The following DNAH6 variants were observed in gnomAD, a reference collection of about 807,000 sequenced individuals.
The protein encoded by DNAH6 is dynein axonemal heavy chain 6.
DNAH6 carries 340 observed loss-of-function variants against 491.4 expected under a neutral mutation model. That is an observed-to-expected ratio of 0.69 (90% CI 0.63 to 0.76). DNAH6 has a LOEUF of 0.76. DNAH6 is among the 30% of genes least tolerant of loss of function. The pLI, the probability that DNAH6 is intolerant of heterozygous loss-of-function variation, is 0.00. For synonymous variants in DNAH6, 1,603 were observed against 1,686.1 expected, an observed-to-expected ratio of 0.95 and a Z score of 1.21; for missense variants, 4,443 against 4,972.2, an observed-to-expected ratio of 0.89 and a Z score of 3.20.
chr2:84,512,122 T>C (rs901509099), upstream of DNAH6, among the ~76,000 whole-genome samples: 1 of 152,244 alleles, frequency 6.6e-6, no homozygotes, highest in African/African-American at 2.4e-5. Context: ...GTTTGTTTTA[T>C]AGTGTTTCTC....
chr2:84,782,941 G>A (rs1210911311), intron 65 of DNAH6, among the ~76,000 whole-genome samples: 1 of 152,174 alleles, frequency 6.6e-6, no homozygotes, highest in East Asian at 1.9e-4. Context: ...AAGGAGACTG[G>A]ATCGGCTAAT....
intron 65 of DNAH6, among the ~76,000 whole-genome samples, chr2:84,782,762 T>C (rs1676814110): frequency 6.6e-6 from 1 of 152,052 alleles, no homozygotes; most frequent in African/African-American, 2.4e-5. Flanking sequence ...GACAAGGAGG[T>C]CTTCAGTACT....
chr2:84,685,415 C>A lies in DNAH6; in HGVS notation c.7006C>A (p.Arg2336Ser). 6.6e-7 allele frequency: 1 copy of A among 1,522,210 alleles called. No homozygotes were observed. 94.3% of individuals were successfully genotyped at this position (1,522,210 alleles called of 1,614,324 possible). The change falls in exon 43 of 77, where the codon CGC becomes AGC. Residue 2336 changes from arginine to serine, a missense_variant. Physicochemically the swap from Arg to Ser is moderately radical, Grantham distance 110. Transcript: ENST00000389394. The part of the protein sequence containing the change: ...CHECQRVFHD[R>S]LINNEDKHYF... ...TGAGTGCCAAAGGGTCTTCCATGAT[C>A]GCTTGATTAATAATGAAGATAAGCA...
chr2:84,485,038 A>G, the DNAH6 span, among the ~76,000 whole-genome samples: 460 of 152,362 alleles, frequency 3.0e-3, 1 homozygote, highest in African/African-American at 0.01. Flanking sequence ...AACTCAGAAG[A>G]TAAGGCCAAG....
chr2:84,813,859 T>C, intron 74 of DNAH6, 112 bp from the exon 75 acceptor site: 2 of 1,076,590 alleles, frequency 1.9e-6, no homozygotes, highest in Non-Finnish European at 2.7e-6. Context: ...GGGTCTTCTC[T>C]GTGGTGGGAA....
chr2:84,687,379 G>A (rs1384436069), intron 44 of DNAH6, among the ~76,000 whole-genome samples: 3 of 152,092 alleles, frequency 2.0e-5, no homozygotes, highest in Non-Finnish European at 2.9e-5. Flanking sequence ...ACAGAGGTAC[G>A]TAGCAGGCTC....
intron 14 of DNAH6, among the ~76,000 whole-genome samples, chr2:84,582,287 C>T (rs772478716): frequency 4.6e-5 from 7 of 152,070 alleles, no homozygotes; most frequent in Non-Finnish European, 8.8e-5. Flanking sequence ...ATTCTAGAAC[C>T]GTGGTTCTCA....
In DNAH6 at chr2:84,621,429, T is replaced by A. The variant is rs774250175; in HGVS notation, c.3958-9T>A. 102 of 1,542,446 alleles carry A rather than the reference T, an allele frequency of 6.6e-5. 1 individual carries two copies. The East Asian group carries it at 2.4e-3, about 37-fold the overall frequency. On this transcript the variant is annotated splice_polypyrimidine_tract_variant and intron_variant, in intron 25 of 76. Coordinates refer to ENST00000389394, the MANE Select transcript of DNAH6 (RefSeq NM_001370.2). ...GCATCACATATTTAAGAAACATGTT[T>A]TCTTGCAGGTTATCCTGACTGTTTC...
Position 84,705,558 on chromosome 2 carries a change from G to A in DNAH6, c.8538G>A (p.Lys2846=), listed in dbSNP as rs1558936939. The A allele has an allele frequency of 6.4e-7, 1 of 1,551,524 alleles. No homozygotes were observed. The highest frequency in any genetic ancestry group is 2.0e-5 in the Admixed American group (1 of 50,984). ...TAAAAAGGCTTTTAGAATATGATAA[G>A]GAGAACATAAAGCCTCAGATATTGG... ...NFLKRLLEYD[K]ENIKPQILAK... is the part of the protein sequence containing the mutation. Residue 2846 remains lysine, a synonymous_variant, in exon 52 of 77, where the codon AAG becomes AAA. Transcript: ENST00000389394.
the DNAH6 span, among the ~76,000 whole-genome samples, chr2:84,467,011 G>A: frequency 6.6e-5 from 10 of 152,078 alleles, no homozygotes; most frequent in Admixed American, 1.3e-4. Context: ...ACCAAACACC[G>A]TTTTTACAAA....
intron 33 of DNAH6, among the ~76,000 whole-genome samples, chr2:84,652,457 T>C (rs904588593): frequency 6.6e-6 from 1 of 152,130 alleles, no homozygotes. Context: ...AATCTTTATC[T>C]GATATAAACA....
chr2:84,676,940 A>T, intron 40 of DNAH6, 65 bp from the exon 41 acceptor site: 1 of 1,522,612 alleles, frequency 6.6e-7, no homozygotes, highest in Middle Eastern at 1.7e-4. Flanking sequence ...AAGTCCTACC[A>T]TTAGGATAGG....
At chr2:84,808,131 A>ATGTGTGTGTGTG (rs35839006) in intron 71 of DNAH6, among the ~76,000 whole-genome samples, 2 of 141,260 alleles carry the variant, frequency 1.4e-5, no homozygotes, top group African/African-American at 5.6e-5. Flanking sequence ...GTGTATATAT[A>ATGTGTGTGTGTG]TGTGTGTGTG....
intron 29 of DNAH6, among the ~76,000 whole-genome samples, chr2:84,625,531 A>G (rs1238507145): frequency 6.6e-6 from 1 of 152,158 alleles, no homozygotes; most frequent in East Asian, 1.9e-4. Context: ...AAAATTATTG[A>G]GACTTCCAAA....
At chr2:84,554,007 G>T (rs1679778055) in intron 10 of DNAH6, among the ~76,000 whole-genome samples, 1 of 152,100 alleles carries the variant, frequency 6.6e-6, no homozygotes, top group Admixed American at 6.5e-5. Flanking sequence ...GCAACTGTAG[G>T]ACTGAGATCC....
At chr2:84,504,578 G>A in the DNAH6 span, among the ~76,000 whole-genome samples, 2 of 152,122 alleles carry the variant, frequency 1.3e-5, no homozygotes, top group African/African-American at 4.8e-5. Flanking sequence ...TATTTGAAAG[G>A]ACTTGGGTGT....
At chr2:84,582,534 C>T (rs773189794) in intron 14 of DNAH6, among the ~76,000 whole-genome samples, 1 of 152,228 alleles carries the variant, frequency 6.6e-6, no homozygotes, top group Non-Finnish European at 1.5e-5. Context: ...TCACTGCAAG[C>T]TCCGCCTCCC....
chr2:84,711,945 C>G (rs1429710489), intron 56 of DNAH6, among the ~76,000 whole-genome samples: 1 of 152,228 alleles, frequency 6.6e-6, no homozygotes, highest in Non-Finnish European at 1.5e-5. Flanking sequence ...TGGCAGCAGA[C>G]AAAAGGTTTT....
chr2:84,761,846 C>T (rs191103104), intron 63 of DNAH6, among the ~76,000 whole-genome samples: 17 of 150,978 alleles, frequency 1.1e-4, no homozygotes, highest in Non-Finnish European at 5.9e-5. Flanking sequence ...TTGGACAGAA[C>T]GGTGTTGATA....
Sources: gnomAD v4.1 joint callset for allele counts (sites outside exome capture counted in the v4.1 genomes callset) on GRCh38, gnomAD v4.1.1 for gene constraint, MANE v1.5 for transcripts, NCBI Gene and HGNC (gene_info 2026-07-23, HGNC 2026-07-21) for gene names.